The following KMT2A variants were observed in gnomAD, a reference collection of about 807,000 sequenced individuals.
KMT2A encodes lysine methyltransferase 2A.
A neutral mutation model predicts 345.3 loss-of-function variants in KMT2A; 16 were observed. The observed-to-expected ratio is 0.05, with a 90% CI of 0.03 to 0.07. The LOEUF (loss-of-function observed/expected upper bound fraction) is 0.07, where lower values mean the gene tolerates loss of function less well. Among genes scored for constraint, KMT2A ranks in the 10% least tolerant of loss-of-function variants. The probability of loss-of-function intolerance (pLI) is 1.00; values close to 1 mark genes in which losing one functional copy is unlikely to be tolerated. For missense variants in KMT2A, 3,272 were observed against 4,841.6 expected, an observed-to-expected ratio of 0.68 and a Z score of 9.62; for synonymous variants, 1,599 against 1,778.6, an observed-to-expected ratio of 0.90 and a Z score of 2.54.
chr11:118,519,615 T>C lies in KMT2A; in HGVS notation c.11147-3T>C, dbSNP rs1555052797. 1 of 1,609,494 alleles carries C rather than the reference T, an allele frequency of 6.2e-7. No homozygotes were observed. The highest frequency in any genetic ancestry group is 2.2e-5 in the East Asian group (1 of 44,746). On this transcript the variant is annotated splice_region_variant and splice_polypyrimidine_tract_variant and intron_variant, in intron 31 of 35. Transcript: ENST00000534358. ...ACTTCCCTGGTGCTTCTGATTCTTC[T>C]AGGTGTTAACGGTTTGAGGATGCTG...
In KMT2A at chr11:118,442,042, C is replaced by T. The variant is rs377199235; in HGVS notation, c.432+5098C>T. Among the ~76,000 whole-genome samples, 19 of 152,306 alleles carry T rather than the reference C, an allele frequency of 1.2e-4. No individual in the cohort carries two copies. In the East Asian group the frequency reaches 2.3e-3, roughly 19 times the overall value. On this transcript the variant is annotated intron_variant, in intron 1 of 35. Transcript: ENST00000534358. ...GCAGTGCCTCTCTCTTTTGGAAACT[C>T]GCTGTGTTTTAATTGTAGGTCTCCT... is the stretch of plus-strand genomic sequence containing the variant.
chr11:118,437,105 G>A (rs1384645864), intron 1 of KMT2A, among the ~76,000 whole-genome samples, 161 bp downstream of exon 1: 1 of 151,220 alleles, frequency 6.6e-6, no homozygotes, highest in Non-Finnish European at 1.5e-5. Context: ...ATGCAGGGCT[G>A]CAGACCCCCA....
Position 118,447,178 on chromosome 11 carries a change from AAAAAATTT to A in KMT2A, c.432+10237_432+10244del, listed in dbSNP as rs1412127173. ...TTTTTGTGTTTTGTATGTTATCCTT[AAAAAATTT>A]AACCCCGTATACCTTATGTCGTGGT... On this transcript the variant is annotated intron_variant, in intron 1 of 35. Transcript: ENST00000534358. Among the ~76,000 whole-genome samples the A allele has an allele frequency of 3.9e-5, 6 of 152,318 alleles. No individual in the cohort carries two copies. The East Asian group carries it at 9.6e-4, about 24-fold the overall frequency.
chr11:118,480,150 A>G (rs1565285461), intron 5 of KMT2A, 24 bp from the exon 6 acceptor site: 3 of 1,586,800 alleles, frequency 1.9e-6, no homozygotes, highest in Non-Finnish European at 1.7e-6. Context: ...AATTTGTTTC[A>G]TGGTTTATTC....
chr11:118,481,088 C>A (rs1203808445), intron 6 of KMT2A, among the ~76,000 whole-genome samples: 1 of 152,164 alleles, frequency 6.6e-6, no homozygotes, highest in Admixed American at 6.5e-5. Context: ...CTTTGTGTTA[C>A]AAACAAACTA....
At chr11:118,465,852 A>G (rs1349199041) in intron 1 of KMT2A, among the ~76,000 whole-genome samples, 1 of 152,098 alleles carries the variant, frequency 6.6e-6, no homozygotes, top group Non-Finnish European at 1.5e-5. Flanking sequence ...ACAGTATGGA[A>G]TTTCATTATT....
chr11:118,522,368 G>A lies in KMT2A; in HGVS notation c.*196G>A, dbSNP rs1950989039. 1.4e-5 allele frequency: 8 copies of A among 582,108 alleles called. No individual in the cohort carries two copies. The highest frequency in any genetic ancestry group is 2.3e-5 in the South Asian group (1 of 42,836). 36.1% of individuals were successfully genotyped at this position (582,108 alleles called of 1,614,324 possible). On this transcript the variant is annotated 3_prime_UTR_variant, in exon 36 of 36. Transcript: ENST00000534358. The surrounding 1 kb of genome is among the most constrained non-coding windows in gnomAD (Gnocchi z 5.4). ...GTCCCAGAGACAGAGTTGAGGTCTC[G>A]AAGAAAAGATCCATGATCGGCTTTC...
Position 118,506,644 on chromosome 11 carries a change from A to C in KMT2A, c.10752A>C (p.Thr3584=), listed in dbSNP as rs782575526. 1 of 1,584,646 alleles carries C rather than the reference A, an allele frequency of 6.3e-7. No individual in the cohort carries two copies. The highest frequency in any genetic ancestry group is 2.2e-5 in the East Asian group (1 of 44,564). ...AAACGACATCCCTGACCTCAGGCAC[A>C]GGGTGAGAGATCCAAATACTAGCTA... is the stretch of plus-strand genomic sequence containing the variant. The part of the protein sequence containing the change: ...DQETTSLTSG[T]GTPGAEAEQQ... Residue 3584 remains threonine (T), a splice_region_variant and synonymous_variant, in exon 27 of 36, where the codon ACA becomes ACC. Coordinates refer to ENST00000534358, the MANE Select transcript of KMT2A (RefSeq NM_001197104.2).
Position 118,476,772 on chromosome 11 carries a change from G to T in KMT2A, c.3157-33G>T, listed in dbSNP as rs201569160. ...TTCAGTTATAATTTCAACATGTATG[G>T]TTGTTATTGTTTTTGGATTGCCTCA... On this transcript the variant is annotated intron_variant, in intron 3 of 35. Transcript: ENST00000534358. This position sits in a 1 kb window ranked among gnomAD's most constrained non-coding sequence, Gnocchi z 4.1. 1 of 1,575,232 alleles carries T rather than the reference G, an allele frequency of 6.3e-7. No individual in the cohort carries two copies. Among genetic ancestry groups the T allele is most frequent in the Non-Finnish European group, 8.7e-7 (1 of 1,152,120 alleles).
Position 118,498,626 on chromosome 11 carries a change from C to T in KMT2A, c.5961+98C>T. ...TTGACTGGAAGGTACAGAGATTTCC[C>T]ATATGCCCCCTGCACCCACATATGC... On this transcript the variant is annotated intron_variant, in intron 22 of 35. Transcript: ENST00000534358. This position sits in a 1 kb window ranked among gnomAD's most constrained non-coding sequence, Gnocchi z 4.4. The T allele has an allele frequency of 8.2e-7, 1 of 1,219,538 alleles. No homozygotes were observed. Among genetic ancestry groups the T allele is most frequent in the African/African-American group, 1.5e-5 (1 of 65,770 alleles). 75.5% of individuals were successfully genotyped at this position (1,219,538 alleles called of 1,614,324 possible).
rs748533574 is a variant in KMT2A at position 118,490,009 on chromosome 11, C to T, written c.4576-120C>T. On this transcript the variant is annotated intron_variant, in intron 12 of 35. Coordinates refer to ENST00000534358, the MANE Select transcript of KMT2A (RefSeq NM_001197104.2). This position sits in a 1 kb window ranked among gnomAD's most constrained non-coding sequence, Gnocchi z 4.2. ...GTATGACAATCTTTTTGCCTCATTACTAGGAAATCATCTCAGCAGAGAAAT... is the reference window on the plus strand; with the variant it reads ...GTATGACAATCTTTTTGCCTCATTATTAGGAAATCATCTCAGCAGAGAAAT... 4.5e-5 allele frequency: 64 copies of T among 1,428,594 alleles called. No homozygotes were observed. The highest frequency in any genetic ancestry group is 6.2e-5 in the Non-Finnish European group (64 of 1,034,848). The allele number at this position is 1,428,594 out of a possible 1,614,324, so 88.5% of individuals were successfully genotyped here.
chr11:118,454,348 A>G (rs782610117), intron 1 of KMT2A, among the ~76,000 whole-genome samples: 9 of 152,162 alleles, frequency 5.9e-5, no homozygotes, highest in Non-Finnish European at 1.0e-4. Context: ...ATATAGCCAC[A>G]CTAGCCTTTT....
intron 1 of KMT2A, chr11:118,439,170 AAAAG>A (rs1251851483): frequency 7.4e-6 from 3 of 406,268 alleles, no homozygotes; most frequent in South Asian, 1.8e-5. Flanking sequence ...AAAAAAAAAA[AAAAG>A]AAAAAAAAGA....
intron 4 of KMT2A, among the ~76,000 whole-genome samples, chr11:118,477,404 T>C (rs948959996): frequency 1.4e-4 from 21 of 151,752 alleles, no homozygotes; most frequent in Admixed American, 1.3e-3. Context: ...GTTTGAAGAA[T>C]CCTTAGAAGC....
Position 118,481,774 on chromosome 11 carries a change from A to G in KMT2A, c.3694A>G (p.Ser1232Gly), listed in dbSNP as rs782334356. The G allele has an allele frequency of 1.2e-6, 2 of 1,614,232 alleles. No individual in the cohort carries two copies. Among genetic ancestry groups the G allele is most frequent in the Admixed American group, 1.7e-5 (1 of 60,032 alleles). ...TGAAAAGAAAGACAGCAAAGAGAGC[A>G]GTGTTGTGAAGAACGTGGTGGACTC... ...TSEKKDSKES[S>G]VVKNVVDSSQ... Residue 1232 changes from serine (S) to glycine (G), a missense_variant, in exon 7 of 36, where the codon AGT (serine) becomes GGT (glycine). Physicochemically the swap from Ser to Gly is moderately conservative, Grantham distance 56 (BLOSUM62 0). Coordinates refer to ENST00000534358, the MANE Select transcript of KMT2A (RefSeq NM_001197104.2).
At chr11:118,453,830 G>A (rs993864422) in intron 1 of KMT2A, among the ~76,000 whole-genome samples, 1 of 152,130 alleles carries the variant, frequency 6.6e-6, no homozygotes, top group Non-Finnish European at 1.5e-5. Flanking sequence ...GAAGCACTTG[G>A]ATACCTAATA....
chr11:118,437,683 C>A (rs9332751), intron 1 of KMT2A, among the ~76,000 whole-genome samples: 10 of 151,660 alleles, frequency 6.6e-5, no homozygotes, highest in African/African-American at 1.2e-4. Flanking sequence ...CTTCCCCCCC[C>A]CGCCCCGTCT....
Position 118,494,306 on chromosome 11 carries a change from A to G in KMT2A, c.5197A>G (p.Ile1733Val), listed in dbSNP as rs1555043336. 1 of 1,590,238 alleles carries G rather than the reference A, an allele frequency of 6.3e-7. No homozygotes were observed. The highest frequency in any genetic ancestry group is 1.7e-5 in the Admixed American group (1 of 59,970). Reference protein sequence around the residue: ...YTSVLEFSDDIVKIIQAAINS... With the variant: ...YTSVLEFSDDVVKIIQAAINS... ...TATACAGTTGGAGTTCAGTGATGATATTGTGAAGATCATTCAAGCAGCCAT... is the reference window on the plus strand; with the variant it reads ...TATACAGTTGGAGTTCAGTGATGATGTTGTGAAGATCATTCAAGCAGCCAT... The change falls in exon 17 of 36, where the codon ATT becomes GTT. Residue 1733 changes from isoleucine (I) to valine (V), a missense_variant. Transcript: ENST00000534358. This position sits in a 1 kb window ranked among gnomAD's most constrained non-coding sequence, Gnocchi z 5.8.
intron 30 of KMT2A, among the ~76,000 whole-genome samples, chr11:118,511,565 A>G (rs1555050078): frequency 1.3e-5 from 2 of 152,358 alleles, no homozygotes; most frequent in Middle Eastern, 3.4e-3. Context: ...ATCTTCCCAC[A>G]GTCCTGCTTA....
Sources: allele counts gnomAD v4.1 joint callset (sites outside exome capture counted in the v4.1 genomes callset), GRCh38; gene constraint gnomAD v4.1.1; non-coding constraint Gnocchi (gnomAD v3.1); transcripts MANE v1.5; gene names NCBI Gene and HGNC (gene_info 2026-07-23, HGNC 2026-07-21).